LEKR1: variants seen among roughly 807,000 people sequenced by gnomAD.
The protein encoded by LEKR1 is leucine, glutamate and lysine rich 1.
Under a neutral mutation model 72.4 loss-of-function variants are expected in LEKR1, and 59 were observed. That is an observed-to-expected ratio of 0.82 (90% CI 0.66 to 1.01). The LOEUF (loss-of-function observed/expected upper bound fraction) is 1.01, where lower values mean the gene tolerates loss of function less well. LEKR1 is among the 50% of genes least tolerant of loss of function. LEKR1 has a pLI of 0.00. For missense variants in LEKR1, 728 were observed against 759.2 expected, an observed-to-expected ratio of 0.96 and a Z score of 0.48; for synonymous variants, 257 against 263.2, an observed-to-expected ratio of 0.98 and a Z score of 0.23.
intron 3 of LEKR1, among the ~76,000 whole-genome samples, chr3:156,872,710 T>TC (rs2108547396): frequency 6.6e-6 from 1 of 152,224 alleles, no homozygotes; most frequent in East Asian, 1.9e-4. Context: ...CCAAAGTTGT[T>TC]CAGGAGCATG....
chr3:156,855,496 GC>G (rs945669179), intron 3 of LEKR1, among the ~76,000 whole-genome samples: 73 of 152,070 alleles, frequency 4.8e-4, no homozygotes, highest in African/African-American at 1.6e-3. Flanking sequence ...ATTTGTAGGT[GC>G]TTTTAATATA....
rs555569843 is a variant in LEKR1 at position 156,959,477 on chromosome 3, G to C, written c.745+16763G>C. ...TTTAAGTGCTAAGTATCACAATAAG[G>C]CTTCTTTTGTGGTACTAATTGAACA... On this transcript the variant is annotated intron_variant, in intron 6 of 12. Transcript: ENST00000356539. 4.3e-4 allele frequency among the ~76,000 whole-genome samples: 66 copies of C among 152,182 alleles called. 1 individual carries two copies. Among genetic ancestry groups the C allele is most frequent in the African/African-American group, 1.6e-3 (65 of 41,524 alleles).
intron 2 of LEKR1, among the ~76,000 whole-genome samples, chr3:156,829,674 G>A (rs934495605): frequency 6.6e-6 from 1 of 152,192 alleles, no homozygotes; most frequent in Non-Finnish European, 1.5e-5. Context: ...TTTTAATGGG[G>A]CTGGATTTCT....
intron 3 of LEKR1, among the ~76,000 whole-genome samples, chr3:156,884,574 A>G (rs1250622264): frequency 5.3e-5 from 8 of 152,166 alleles, no homozygotes; most frequent in African/African-American, 9.7e-5. Context: ...TTGGCTGACA[A>G]TTATTTGGCT....
chr3:156,880,815 C>T (rs1719218449), intron 3 of LEKR1, among the ~76,000 whole-genome samples: 1 of 152,212 alleles, frequency 6.6e-6, no homozygotes, highest in African/African-American at 2.4e-5. Context: ...ATCAAGTGGG[C>T]TTCATCCCTG....
In LEKR1 at chr3:156,960,105, A is replaced by T. The variant is rs141315948; in HGVS notation, c.745+17391A>T. On this transcript the variant is annotated intron_variant, in intron 6 of 12. Transcript: ENST00000356539. ...CCTAGGCAATGAATGGATAGAACTA[A>T]GACCTTGGAAGGCCCTTTGGGCTCT... Among the ~76,000 whole-genome samples the T allele has an allele frequency of 4.6e-5, 7 of 152,312 alleles. No individual in the cohort carries two copies. The East Asian group carries it at 1.3e-3, about 29-fold the overall frequency.
chr3:157,043,090 C>A (rs892013366), intron 12 of LEKR1, among the ~76,000 whole-genome samples: 5 of 152,098 alleles, frequency 3.3e-5, no homozygotes, highest in African/African-American at 1.2e-4. Context: ...TAGGGCCTCC[C>A]CCCAACTCTC....
chr3:156,861,910 CCTTA>C (rs1188822879), intron 3 of LEKR1, among the ~76,000 whole-genome samples: 1 of 151,982 alleles, frequency 6.6e-6, no homozygotes, highest in African/African-American at 2.4e-5. Flanking sequence ...AGACCAAAGT[CCTTA>C]GGTATAGAAC....
intron 12 of LEKR1, among the ~76,000 whole-genome samples, chr3:157,036,979 A>G (rs1164252814): frequency 1.3e-5 from 2 of 152,324 alleles, no homozygotes; most frequent in African/African-American, 4.8e-5. Flanking sequence ...ATCTTAGTAC[A>G]TAACATGGCC....
In LEKR1 at chr3:157,045,501, T is replaced by C. The variant is rs771007320; in HGVS notation, c.1830T>C (p.Pro610=). 1.2e-5 allele frequency: 19 copies of C among 1,614,028 alleles called. No homozygotes were observed. Among genetic ancestry groups the C allele is most frequent in the Non-Finnish European group, 1.5e-5 (18 of 1,180,006 alleles). The change falls in exon 13 of 13, where the codon CCT becomes CCC. Residue 610 remains proline, a synonymous_variant. Transcript: ENST00000356539. ...TCAGCAAGGGCAGCCTAACCTCCCC[T>C]GCTGCAGCAGTCAGTAATCATGGAG... The part of the protein sequence containing the change: ...CSLSKGSLTS[P]AAAVSNHGER...
chr3:157,015,613 T>C (rs1186057793), intron 10 of LEKR1, among the ~76,000 whole-genome samples: 2 of 152,106 alleles, frequency 1.3e-5, no homozygotes, highest in African/African-American at 2.4e-5. Context: ...AGAATATTCA[T>C]AGGAATACAA....
chr3:156,893,157 C>T (rs1720828840), intron 3 of LEKR1, among the ~76,000 whole-genome samples: 1 of 152,142 alleles, frequency 6.6e-6, no homozygotes, highest in African/African-American at 2.4e-5. Flanking sequence ...CAGTCTCTAT[C>T]TTCAAGTTTT....
At chr3:157,035,309 C>A (rs1734885180) in intron 12 of LEKR1, among the ~76,000 whole-genome samples, 1 of 152,114 alleles carries the variant, frequency 6.6e-6, no homozygotes, top group Non-Finnish European at 1.5e-5. Context: ...GAAAACAAGG[C>A]TGTTTGAAAG....
At chr3:156,951,491 G>T (rs1727151849) in intron 6 of LEKR1, among the ~76,000 whole-genome samples, 1 of 150,040 alleles carries the variant, frequency 6.7e-6, no homozygotes, top group African/African-American at 2.4e-5. Context: ...AGCTCCTGGG[G>T]TTTTTTTTTG....
In LEKR1 at chr3:156,923,996, G is replaced by T. The variant is rs559549087; in HGVS notation, c.383+3302G>T. On this transcript the variant is annotated intron_variant, in intron 4 of 12. Coordinates refer to ENST00000356539, the MANE Select transcript of LEKR1 (RefSeq NM_001004316.3). ...CCTACCTCAGCCTCCCAAAGTGCTG[G>T]GATTATAGGCGTGAGCTACCGCGCC... 2.6e-5 allele frequency among the ~76,000 whole-genome samples: 4 copies of T among 152,188 alleles called. No individual in the cohort carries two copies. In the South Asian group the frequency reaches 8.3e-4, roughly 32 times the overall value.
intron 5 of LEKR1, among the ~76,000 whole-genome samples, chr3:156,932,520 C>G (rs906920338): frequency 2.0e-5 from 3 of 152,072 alleles, no homozygotes; most frequent in Non-Finnish European, 4.4e-5. Context: ...TGAGACCAGC[C>G]TGGGCAACAT....
intron 10 of LEKR1, 143 bp downstream of exon 10, chr3:157,011,649 G>C: frequency 3.1e-6 from 2 of 635,802 alleles, no homozygotes; most frequent in East Asian, 2.9e-5. Flanking sequence ...GACCAGACAT[G>C]CTTATGGAAT....
chr3:157,009,421 G>T (rs1487018459), intron 9 of LEKR1, among the ~76,000 whole-genome samples: 8 of 152,060 alleles, frequency 5.3e-5, no homozygotes, highest in Non-Finnish European at 8.8e-5. Flanking sequence ...ATTGAACAAT[G>T]CAGGTTATAG....
intron 9 of LEKR1, among the ~76,000 whole-genome samples, chr3:157,006,069 A>G (rs1399973136): frequency 6.6e-6 from 1 of 150,610 alleles, no homozygotes; most frequent in East Asian, 2.0e-4. Flanking sequence ...GCAGTGGCGC[A>G]ATCTCGGCTT....
Sources: allele counts gnomAD v4.1 joint callset (sites outside exome capture counted in the v4.1 genomes callset), GRCh38; gene constraint gnomAD v4.1.1; transcripts MANE v1.5; gene names NCBI Gene and HGNC (gene_info 2026-07-23, HGNC 2026-07-21).